The following VTI1A variants were observed in gnomAD, a reference collection of about 807,000 sequenced individuals.
The protein encoded by VTI1A is vesicle transport through interaction with t-SNAREs 1A, also known as vesicle transport through interaction with t-SNAREs homolog 1A.
VTI1A carries 22 observed loss-of-function variants against 34.9 expected under a neutral mutation model. The ratio of observed to expected loss-of-function variants is 0.63; its 90% CI spans 0.45 to 0.90. The LOEUF (loss-of-function observed/expected upper bound fraction) is 0.90. Ranked by LOEUF, VTI1A falls within the 40% of genes least tolerant of loss-of-function variation. The pLI, the probability that VTI1A is intolerant of heterozygous loss-of-function variation, is 0.00. For synonymous variants in VTI1A, 87 were observed against 97.3 expected (o/e 0.89, Z 0.62); for missense variants, 268 against 275.6 (o/e 0.97, Z 0.20).
chr10:112,780,285 T>C (rs1413154207), intron 7 of VTI1A, among the ~76,000 whole-genome samples: 1 of 29,342 alleles, frequency 3.4e-5, no homozygotes, highest in Non-Finnish European at 1.3e-4. Flanking sequence ...AATAAATAAA[T>C]AAATAAATAA....
intron 5 of VTI1A, among the ~76,000 whole-genome samples, chr10:112,611,700 A>G (rs901153358): frequency 6.6e-6 from 1 of 150,614 alleles, no homozygotes; most frequent in African/African-American, 2.5e-5. Flanking sequence ...CTGACAAAAT[A>G]GTCACCTTTG....
At chr10:112,528,899 A>G (rs1014698360) in intron 4 of VTI1A, among the ~76,000 whole-genome samples, 1 of 152,092 alleles carries the variant, frequency 6.6e-6, no homozygotes, top group Admixed American at 6.5e-5. Flanking sequence ...ACTTCTCTTA[A>G]TGGACATTTT....
chr10:112,843,343 G>A, the VTI1A span, among the ~76,000 whole-genome samples: 1 of 152,234 alleles, frequency 6.6e-6, no homozygotes, highest in African/African-American at 2.4e-5. Flanking sequence ...TTTATCTGAA[G>A]GGCCAGCTCC....
chr10:112,758,915 G>C (rs891767293), intron 7 of VTI1A, among the ~76,000 whole-genome samples: 1 of 152,186 alleles, frequency 6.6e-6, no homozygotes, highest in Admixed American at 6.6e-5. Flanking sequence ...GCATCTACAA[G>C]GTAGGCATCT....
At chr10:112,746,040 T>C (rs1356575318) in intron 7 of VTI1A, among the ~76,000 whole-genome samples, 1 of 152,236 alleles carries the variant, frequency 6.6e-6, no homozygotes, top group Non-Finnish European at 1.5e-5. Context: ...TACATAGCCA[T>C]TGGTCAACAT....
At chr10:112,659,812 T>C (rs1474782855) in intron 5 of VTI1A, among the ~76,000 whole-genome samples, 1 of 152,216 alleles carries the variant, frequency 6.6e-6, no homozygotes, top group Non-Finnish European at 1.5e-5. Context: ...GAGATGAATG[T>C]ATAATTTTTT....
chr10:112,726,634 T>G (rs1031585308), intron 7 of VTI1A, among the ~76,000 whole-genome samples: 1 of 152,220 alleles, frequency 6.6e-6, no homozygotes, highest in Non-Finnish European at 1.5e-5. Context: ...TTAACCATTT[T>G]GAGGCCACAT....
chr10:112,644,139 G>A (rs772213500), intron 5 of VTI1A, among the ~76,000 whole-genome samples: 6 of 152,156 alleles, frequency 3.9e-5, no homozygotes, highest in East Asian at 1.9e-4. Flanking sequence ...AACCCAGCAC[G>A]GATGTAGTTT....
intron 7 of VTI1A, among the ~76,000 whole-genome samples, chr10:112,794,608 G>A (rs905591316): frequency 1.3e-5 from 2 of 151,790 alleles, no homozygotes; most frequent in South Asian, 2.1e-4. Context: ...TGATCCCAAC[G>A]CCTAGACACA....
At position 112,538,273 on chromosome 10, in the gene VTI1A, A is replaced by T. The variant is rs1478301714; in HGVS notation, c.370A>T (p.Arg124Trp). 2 of 1,613,320 alleles carry T rather than the reference A, an allele frequency of 1.2e-6. No individual in the cohort carries two copies. Among genetic ancestry groups the T allele is most frequent in the Non-Finnish European group, 1.7e-6 (2 of 1,179,748 alleles). Residue 124 changes from arginine to tryptophan, a missense_variant, in exon 5 of 8, where the codon AGG (arginine) becomes TGG (tryptophan). Transcript: ENST00000393077. Reference protein sequence around the residue: ...QRAHLLDNTERLERSSRRLEA... With the variant: ...QRAHLLDNTEWLERSSRRLEA... Reference sequence around the variant, plus strand: ...GGCACATCTGCTCGATAACACAGAGAGGCTGGAAAGGTCATCTCGGAGACT... The same window carrying T: ...GGCACATCTGCTCGATAACACAGAGTGGCTGGAAAGGTCATCTCGGAGACT...
intron 5 of VTI1A, among the ~76,000 whole-genome samples, chr10:112,559,039 G>A (rs890598635): frequency 1.3e-5 from 2 of 152,116 alleles, no homozygotes; most frequent in African/African-American, 4.8e-5. Context: ...GCCAATGGGC[G>A]CTTAAGTGCT....
At chr10:112,608,378 G>A (rs117799538) in intron 5 of VTI1A, among the ~76,000 whole-genome samples, 2,613 of 152,260 alleles carry the variant, frequency 0.017, 37 homozygotes, top group Middle Eastern at 0.034. Context: ...AACATTTATG[G>A]GGTTTTTGAG....
intron 7 of VTI1A, among the ~76,000 whole-genome samples, chr10:112,761,143 C>T (rs1290117541): frequency 3.3e-5 from 5 of 152,070 alleles, no homozygotes; most frequent in African/African-American, 7.2e-5. Context: ...TTGAGGAATC[C>T]GCTGCTATTT....
At chr10:112,836,755 G>A in the VTI1A span, among the ~76,000 whole-genome samples, 4 of 152,280 alleles carry the variant, frequency 2.6e-5, no homozygotes, top group African/African-American at 9.6e-5. Context: ...ATGCGGCGGG[G>A]AGGGGGTATG....
chr10:112,480,724 C>T (rs137865201), intron 3 of VTI1A, among the ~76,000 whole-genome samples: 1 of 152,196 alleles, frequency 6.6e-6, no homozygotes, highest in East Asian at 1.9e-4. Context: ...AAGGGGAGGA[C>T]TGGAGTGTTT....
At position 112,815,431 on chromosome 10, in the gene VTI1A, A is replaced by G. The variant is rs372541851; in HGVS notation, c.*48A>G. 36 of 1,510,034 alleles carry G rather than the reference A, an allele frequency of 2.4e-5. No individual in the cohort carries two copies. In the African/African-American group the frequency reaches 4.8e-4, roughly 20 times the overall value. 93.5% of individuals were successfully genotyped at this position (1,510,034 alleles called of 1,614,324 possible). A position where few individuals can be genotyped will look rare whatever the true frequency, so the allele number is the denominator to read the frequency against. On this transcript the variant is annotated 3_prime_UTR_variant, in exon 8 of 8. Coordinates refer to ENST00000393077, the MANE Select transcript of VTI1A (RefSeq NM_145206.4). ...ACAGCAACAACAGCTTGTTCTGAGT[A>G]ATTAAGACAAAATGGTCACATGAAT...
intron 7 of VTI1A, among the ~76,000 whole-genome samples, chr10:112,782,599 G>T (rs1256318700): frequency 6.6e-6 from 1 of 152,194 alleles, no homozygotes; most frequent in Non-Finnish European, 1.5e-5. Context: ...TTATAGTGGG[G>T]CTGTTCGAGC....
chr10:112,454,473 G>A (rs933974293), intron 1 of VTI1A, among the ~76,000 whole-genome samples: 5 of 152,162 alleles, frequency 3.3e-5, no homozygotes, highest in South Asian at 4.1e-4. Flanking sequence ...ATAGTGGCAC[G>A]CACCTGTCAT....
At chr10:112,531,005 GC>G (rs1850402439) in intron 4 of VTI1A, among the ~76,000 whole-genome samples, 2 of 151,540 alleles carry the variant, frequency 1.3e-5, no homozygotes, top group Admixed American at 6.6e-5. Flanking sequence ...AACAGAGACA[GC>G]AGTCGCGTTA....
Sources: gnomAD v4.1 joint callset for allele counts (sites outside exome capture counted in the v4.1 genomes callset) on GRCh38, gnomAD v4.1.1 for gene constraint, MANE v1.5 for transcripts, NCBI Gene and HGNC (gene_info 2026-07-23, HGNC 2026-07-21) for gene names.